The following TARBP1 variants were observed in gnomAD, a reference collection of about 807,000 sequenced individuals.
The protein encoded by TARBP1 is tRNA guanosine 2 -O-methyltransferase TARBP1.
A neutral mutation model predicts 178.6 loss-of-function variants in TARBP1; 144 were observed. That is an observed-to-expected ratio of 0.81 (90% CI 0.70 to 0.93). The LOEUF (loss-of-function observed/expected upper bound fraction) is 0.93, where lower values mean the gene tolerates loss of function less well. Ranked by LOEUF, TARBP1 falls within the 40% of genes least tolerant of loss-of-function variation. TARBP1 has a pLI of 0.00. For missense variants in TARBP1, 2,067 were observed against 2,011.7 expected, an observed-to-expected ratio of 1.03 and a Z score of -0.53; for synonymous variants, 787 against 781.0, an observed-to-expected ratio of 1.01 and a Z score of -0.13.
At chr1:234,438,084 A>G (rs1164340775) in intron 12 of TARBP1, among the ~76,000 whole-genome samples, 1 of 152,160 alleles carries the variant, frequency 6.6e-6, no homozygotes, top group African/African-American at 2.4e-5. Context: ...TGAAGACAAA[A>G]CTGACAGCAG....
intron 9 of TARBP1, among the ~76,000 whole-genome samples, chr1:234,456,364 A>G (rs879527993): frequency 6.6e-6 from 1 of 152,118 alleles, no homozygotes; most frequent in African/African-American, 2.4e-5. Context: ...CCATGCCCCG[A>G]TAATTTTTGT....
intron 22 of TARBP1, among the ~76,000 whole-genome samples, chr1:234,414,406 A>T (rs1006407522): frequency 2.6e-5 from 4 of 152,182 alleles, no homozygotes; most frequent in Non-Finnish European, 2.9e-5. Flanking sequence ...TAATAATAAT[A>T]AAAAAAGCCT....
At chr1:234,422,277 A>C (rs576180580) in intron 20 of TARBP1, among the ~76,000 whole-genome samples, 1 of 152,338 alleles carries the variant, frequency 6.6e-6, no homozygotes, top group South Asian at 2.1e-4. Context: ...TCCTTTACTC[A>C]GAATATCTTT....
intron 9 of TARBP1, among the ~76,000 whole-genome samples, chr1:234,453,062 G>A (rs759721940): frequency 1.8e-4 from 27 of 152,146 alleles, no homozygotes; most frequent in Non-Finnish European, 2.6e-4. Context: ...GGAAAGGAGG[G>A]ATGAACAGGC....
chr1:234,432,335 G>A (rs995317150), intron 14 of TARBP1, among the ~76,000 whole-genome samples: 14 of 152,044 alleles, frequency 9.2e-5, no homozygotes, highest in African/African-American at 2.9e-4. Context: ...CCAGCTACTC[G>A]GGAGGTTGAG....
intron 8 of TARBP1, among the ~76,000 whole-genome samples, chr1:234,458,776 G>A (rs1251779492): frequency 2.0e-5 from 3 of 152,156 alleles, no homozygotes; most frequent in African/African-American, 7.2e-5. Context: ...CTCTCCCAGT[G>A]GGCCACCCAG....
intron 17 of TARBP1, 135 bp from the exon 18 acceptor site, chr1:234,427,901 T>C (rs1358131035): frequency 1.4e-5 from 7 of 494,300 alleles, no homozygotes; most frequent in African/African-American, 1.4e-4. Flanking sequence ...TTAGAATAAC[T>C]TTGCGAGATG....
In TARBP1 at chr1:234,453,323, T is replaced by G. The variant is rs1033585204; in HGVS notation, c.1723-2757A>C. Among the ~76,000 whole-genome samples, 6 of 118,214 alleles carry G rather than the reference T, an allele frequency of 5.1e-5. No individual in the cohort carries two copies. The South Asian group carries it at 7.5e-4, about 15-fold the overall frequency. The allele number at this position is 118,214 out of a possible 152,430, so 77.6% of individuals were successfully genotyped here. A position where few individuals can be genotyped will look rare whatever the true frequency, so the allele number is the denominator to read the frequency against. ...TATGTGGAAACTCTCTGTACTTTTT[T>G]TGTGTGTTTTTTTTTTTTTTTACAT... On this transcript the variant is annotated intron_variant, in intron 9 of 29. Coordinates refer to ENST00000040877, the MANE Select transcript of TARBP1 (RefSeq NM_005646.4).
intron 13 of TARBP1, among the ~76,000 whole-genome samples, chr1:234,435,108 A>G (rs887512207): frequency 9.2e-5 from 14 of 152,208 alleles, no homozygotes; most frequent in East Asian, 1.9e-4. Context: ...AGAGAAGGAC[A>G]TAGGGCGCTA....
intron 8 of TARBP1, 146 bp from the exon 9 acceptor site, chr1:234,457,902 A>G (rs1180575420): frequency 1.9e-6 from 1 of 523,610 alleles, no homozygotes; most frequent in African/African-American, 2.0e-5. Flanking sequence ...TCATTAGCTA[A>G]ATCAAAAGAA....
rs1318090368 is a variant in TARBP1, at chr1:234,429,600, AG to A, written c.2686del (p.Leu896SerfsTer5). The A allele has an allele frequency of 6.2e-7, 1 of 1,614,124 alleles. No homozygotes were observed. Among genetic ancestry groups the A allele is most frequent in the South Asian group, 1.1e-5 (1 of 91,068 alleles). ...AQYIHDQWVC[L>X]SFLLKKYHTL... ...GTGATATTTTTTCAACAGGAAAGAG[AG>A]GCACACCCATTGATCATGAATATAT... On this transcript the variant is annotated frameshift_variant, in exon 16 of 30. Coordinates refer to ENST00000040877, the MANE Select transcript of TARBP1 (RefSeq NM_005646.4). LOFTEE classifies it high-confidence loss of function.
At chr1:234,414,352 G>A (rs987479551) in intron 22 of TARBP1, among the ~76,000 whole-genome samples, 27 of 152,234 alleles carry the variant, frequency 1.8e-4, no homozygotes, top group Non-Finnish European at 1.0e-4. Context: ...TAGGTAATAT[G>A]TGAATCCACA....
At chr1:234,472,058 C>G (rs532054629) in intron 2 of TARBP1, among the ~76,000 whole-genome samples, 1 of 152,100 alleles carries the variant, frequency 6.6e-6, no homozygotes, top group South Asian at 2.1e-4. Context: ...AAGTCCTGGA[C>G]GGGTGCGGTG....
At position 234,398,535 on chromosome 1, in the gene TARBP1, G is replaced by GAAGGATGT; in HGVS notation, c.4082_4089dup (p.Pro1364ThrfsTer28). ...TCTTCAATAAGGCCTGAAAGGCGTG[G>GAAGGATGT]AAGGATGTAAAATATGGTCTGAAAA... On this transcript the variant is annotated frameshift_variant, in exon 26 of 30. Coordinates refer to ENST00000040877, the MANE Select transcript of TARBP1 (RefSeq NM_005646.4). LOFTEE classifies it high-confidence loss of function. 6.3e-7 allele frequency: 1 copy of GAAGGATGT among 1,590,800 alleles called. No individual in the cohort carries two copies. The highest frequency in any genetic ancestry group is 1.3e-5 in the African/African-American group (1 of 74,694).
chr1:234,439,405 T>C (rs1665363969), intron 12 of TARBP1, among the ~76,000 whole-genome samples: 1 of 152,116 alleles, frequency 6.6e-6, no homozygotes, highest in East Asian at 1.9e-4. Flanking sequence ...TAAATATTAA[T>C]TCCAAAGAGA....
Position 234,397,924 on chromosome 1 carries a change from AGAG to A in TARBP1, c.4243+455_4243+457del, listed in dbSNP as rs1329814648. On this transcript the variant is annotated intron_variant, in intron 26 of 29. Coordinates refer to ENST00000040877, the MANE Select transcript of TARBP1 (RefSeq NM_005646.4). ...GTCATTGTACAGGGAAGGATGAGAC[AGAG>A]GAGAAGGGATAACATGAAGCGGCGT... 3.8e-5 allele frequency among the ~76,000 whole-genome samples: 5 copies of A among 130,780 alleles called. No homozygotes were observed. In the East Asian group the frequency reaches 9.3e-4, roughly 24 times the overall value. The allele number at this position is 130,780 out of a possible 152,430, so 85.8% of individuals were successfully genotyped here. A position where few individuals can be genotyped will look rare whatever the true frequency, so the allele number is the denominator to read the frequency against.
Position 234,478,890 on chromosome 1 carries a change from G to C in TARBP1, c.214C>G (p.Leu72Val). Reference protein sequence around the residue: ...REVAAGYLVPLLRSLRGRPAG... With the variant: ...REVAAGYLVPVLRSLRGRPAG... ...GGGCGTCCGCGCAGGCTCCGCAGCAGTGGCACGAGGTACCCTGCAGCCACC... is the reference window on the plus strand; with the variant it reads ...GGGCGTCCGCGCAGGCTCCGCAGCACTGGCACGAGGTACCCTGCAGCCACC... The change falls in exon 1 of 30, where the codon CTG (leucine) becomes GTG (valine). Residue 72 changes from leucine to valine, a missense_variant. Transcript: ENST00000040877. The C allele has an allele frequency of 7.3e-7, 1 of 1,365,744 alleles. No individual in the cohort carries two copies. The allele number at this position is 1,365,744 out of a possible 1,614,324, so 84.6% of individuals were successfully genotyped here. A position where few individuals can be genotyped will look rare whatever the true frequency, so the allele number is the denominator to read the frequency against.
At chr1:234,395,554 G>A (rs965954963) in intron 26 of TARBP1, among the ~76,000 whole-genome samples, 2 of 152,224 alleles carry the variant, frequency 1.3e-5, no homozygotes, top group African/African-American at 4.8e-5. Flanking sequence ...GGCATACAGA[G>A]CAGGCACTTT....
intron 13 of TARBP1, 120 bp from the exon 14 acceptor site, chr1:234,433,691 T>G: frequency 1.0e-6 from 1 of 957,366 alleles, no homozygotes; most frequent in Non-Finnish European, 1.5e-6. Context: ...GATGAGAAAA[T>G]AAGTTCTTTT....
Sources: gnomAD v4.1 joint callset for allele counts (sites outside exome capture counted in the v4.1 genomes callset) on GRCh38, gnomAD v4.1.1 for gene constraint, MANE v1.5 for transcripts, NCBI Gene and HGNC (gene_info 2026-07-23, HGNC 2026-07-21) for gene names.